Variants in MYH10 observed in about 807,000 individuals in gnomAD.
The protein encoded by MYH10 is myosin-10.
In MYH10, 55 loss-of-function variants were observed where a neutral mutation model predicts 257.8. The observed-to-expected ratio is 0.21, with a 90% CI of 0.17 to 0.27. MYH10 has a LOEUF of 0.27. Among genes scored for constraint, MYH10 ranks in the 10% least tolerant of loss-of-function variants. MYH10 has a pLI of 1.00. For synonymous variants in MYH10, 854 were observed against 921.7 expected, an observed-to-expected ratio of 0.93 and a Z score of 1.33; for missense variants, 1,631 against 2,500.6, an observed-to-expected ratio of 0.65 and a Z score of 7.42.
Position 8,545,659 on chromosome 17 carries a change from G to C in MYH10, c.1279-59C>G. On this transcript the variant is annotated intron_variant, in intron 12 of 42. Coordinates refer to ENST00000360416, the MANE Select transcript of MYH10 (RefSeq NM_001256012.3). This position sits in a 1 kb window ranked among gnomAD's most constrained non-coding sequence, Gnocchi z 4.7. Reference sequence around the variant, plus strand: ...AAACAATCTCAACAAAGCATAAATAGCTGTTTTACGGAATTTAATGTTATA... The same window carrying C: ...AAACAATCTCAACAAAGCATAAATACCTGTTTTACGGAATTTAATGTTATA... The C allele has an allele frequency of 6.4e-7, 1 of 1,553,660 alleles. No individual in the cohort carries two copies.
intron 2 of MYH10, among the ~76,000 whole-genome samples, chr17:8,610,852 A>G (rs149758363): frequency 1.3e-5 from 2 of 152,372 alleles, no homozygotes; most frequent in East Asian, 3.9e-4. Flanking sequence ...TTATAGCAAC[A>G]CAAAACAGAC....
At chr17:8,581,542 T>C (rs116128146) in intron 4 of MYH10, among the ~76,000 whole-genome samples, 192 of 152,348 alleles carry the variant, frequency 1.3e-3, no homozygotes, top group African/African-American at 4.4e-3. Context: ...TGAGCTGTGC[T>C]ACATTTTACA....
intron 24 of MYH10, among the ~76,000 whole-genome samples, chr17:8,510,749 A>G (rs2081241523): frequency 6.6e-6 from 1 of 152,178 alleles, no homozygotes; most frequent in South Asian, 2.1e-4. Context: ...AGAGAAAGAG[A>G]ACATGAAAAC....
intron 14 of MYH10, among the ~76,000 whole-genome samples, chr17:8,539,162 G>A (rs1284866999): frequency 1.3e-5 from 2 of 152,166 alleles, no homozygotes; most frequent in Non-Finnish European, 2.9e-5. Flanking sequence ...GGACTTCCCA[G>A]CCTATAGACT....
At chr17:8,575,276 T>A (rs2083464490) in intron 6 of MYH10, among the ~76,000 whole-genome samples, 1 of 152,184 alleles carries the variant, frequency 6.6e-6, no homozygotes, top group Non-Finnish European at 1.5e-5. Flanking sequence ...AACAATGATT[T>A]ATGTGTTCCA....
At chr17:8,494,852 T>C (rs1916336704) in intron 31 of MYH10, among the ~76,000 whole-genome samples, 2 of 152,218 alleles carry the variant, frequency 1.3e-5, no homozygotes, top group Non-Finnish European at 2.9e-5. Context: ...AGCAGGACCA[T>C]AGCTTGGGTC....
intron 3 of MYH10, among the ~76,000 whole-genome samples, chr17:8,601,662 T>C (rs774613421): frequency 3.0e-4 from 45 of 152,314 alleles, no homozygotes; most frequent in Middle Eastern, 3.4e-3. Context: ...TAATCTACCA[T>C]TCCATGCTTT....
At position 8,552,060 on chromosome 17, in the gene MYH10, C is replaced by A; in HGVS notation, c.905G>T (p.Gly302Val). The change falls in exon 9 of 43, where the codon GGA becomes GTA. Residue 302 changes from glycine (G) to valine (V), a missense_variant. Around this residue, in one of 11 missense-constraint regions of MYH10, gnomAD observed 360 missense variants for 581.9 expected, o/e 0.62. Coordinates refer to ENST00000360416, the MANE Select transcript of MYH10 (RefSeq NM_001256012.3). This position sits in a 1 kb window ranked among gnomAD's most constrained non-coding sequence, Gnocchi z 4.8. ...TTGTAACTTACACTTTAGGTGTTCT[C>A]CTGCTCCAGATAACAACTGGTAAAA... ...HIFYQLLSGA[G>V]EHLKSDLLLE... 1 of 1,541,938 alleles carries A rather than the reference C, an allele frequency of 6.5e-7. No individual in the cohort carries two copies. The highest frequency in any genetic ancestry group is 8.8e-7 in the Non-Finnish European group (1 of 1,135,992).
At chr17:8,517,495 C>T (rs994038062) in intron 21 of MYH10, among the ~76,000 whole-genome samples, 1 of 152,222 alleles carries the variant, frequency 6.6e-6, no homozygotes, top group Admixed American at 6.5e-5. Context: ...CACTCCCAAA[C>T]CCGAAGTGTT....
At chr17:8,547,174 C>T (rs1364932873) in intron 11 of MYH10, among the ~76,000 whole-genome samples, 6 of 152,146 alleles carry the variant, frequency 3.9e-5, no homozygotes, top group Admixed American at 6.5e-5. Flanking sequence ...TTCAGCCTCC[C>T]GAGTAGCTGG....
rs1199649392 is a variant in MYH10, at chr17:8,508,574, A to G, written c.3194T>C (p.Val1065Ala). The G allele has an allele frequency of 1.9e-6, 3 of 1,613,984 alleles. No homozygotes were observed. In the East Asian group the frequency reaches 6.7e-5, roughly 36 times the overall value. Residue 1065 changes from valine to alanine, a missense_variant, in exon 26 of 43, where the codon GTG becomes GCG. Physicochemically the swap from Val to Ala is moderately conservative, Grantham distance 64. Coordinates refer to ENST00000360416, the MANE Select transcript of MYH10 (RefSeq NM_001256012.3). ...CTAACCTTCTAAATCTGAGATCATC[A>G]CTTCTTGCTTATTCCTGATTTTGGC... ...NLAKIRNKQEVMISDLEERLK... is the reference protein window; with the variant it reads ...NLAKIRNKQEAMISDLEERLK...
chr17:8,545,638 A>T lies in MYH10; in HGVS notation c.1279-38T>A, dbSNP rs2082420654. The T allele has an allele frequency of 5.0e-6, 8 of 1,593,606 alleles. No individual in the cohort carries two copies. Among genetic ancestry groups the T allele is most frequent in the Non-Finnish European group, 6.0e-6 (7 of 1,171,606 alleles). On this transcript the variant is annotated intron_variant, in intron 12 of 42. Coordinates refer to ENST00000360416, the MANE Select transcript of MYH10 (RefSeq NM_001256012.3). This position sits in a 1 kb window ranked among gnomAD's most constrained non-coding sequence, Gnocchi z 4.7. ...CACAACAACCTTTTATTCTGGAAAC[A>T]ATCTCAACAAAGCATAAATAGCTGT...
At chr17:8,530,559 C>A (rs2081980167) in intron 17 of MYH10, 64 bp downstream of exon 17, 2 of 1,133,204 alleles carry the variant, frequency 1.8e-6, no homozygotes, top group Non-Finnish European at 2.5e-6. Flanking sequence ...AGTCCCCCCA[C>A]ACGTTTTTCC....
At chr17:8,605,363 T>C (rs1433257538) in intron 2 of MYH10, among the ~76,000 whole-genome samples, 3 of 152,242 alleles carry the variant, frequency 2.0e-5, no homozygotes, top group Non-Finnish European at 4.4e-5. Flanking sequence ...AGATTCCATA[T>C]TGCAATTAAT....
Position 8,478,388 on chromosome 17 carries a change from A to G in MYH10, c.5656T>C (p.Phe1886Leu). The G allele has an allele frequency of 6.2e-7, 1 of 1,614,232 alleles. No individual in the cohort carries two copies. Among genetic ancestry groups the G allele is most frequent in the Non-Finnish European group, 8.5e-7 (1 of 1,180,044 alleles). Reference sequence around the variant, plus strand: ...CGACGCTCATCCTCAACCTGCATGAAGATTTCTTTCAGCTTCTTCTCAGTG... The same window carrying G: ...CGACGCTCATCCTCAACCTGCATGAGGATTTCTTTCAGCTTCTTCTCAGTG... ...RRTEKKLKEI[F>L]MQVEDERRHA... Residue 1886 changes from phenylalanine (F) to leucine (L), a missense_variant, in exon 41 of 43, where the codon TTC becomes CTC. Physicochemically the swap from Phe to Leu is conservative, Grantham distance 22. This residue lies in a region of MYH10 where 343 missense variants were observed against 389.5 expected (regional missense o/e 0.88). Transcript: ENST00000360416.
intron 6 of MYH10, among the ~76,000 whole-genome samples, chr17:8,576,414 T>C (rs2083499007): frequency 6.6e-6 from 1 of 152,130 alleles, no homozygotes; most frequent in Non-Finnish European, 1.5e-5. Flanking sequence ...AATGTCATGA[T>C]AAAAGGGCAA....
intron 1 of MYH10, among the ~76,000 whole-genome samples, chr17:8,624,303 G>T (rs1287353799): frequency 6.6e-6 from 1 of 152,138 alleles, no homozygotes; most frequent in Non-Finnish European, 1.5e-5. Context: ...CAAATGGCAG[G>T]ATTTTACATC....
chr17:8,617,963 G>T (rs966219772), intron 2 of MYH10, among the ~76,000 whole-genome samples: 1 of 151,916 alleles, frequency 6.6e-6, no homozygotes, highest in Non-Finnish European at 1.5e-5. Flanking sequence ...CATTTCTTAC[G>T]AAAAATAACT....
At chr17:8,592,955 AT>A (rs2084221875) in intron 3 of MYH10, among the ~76,000 whole-genome samples, 1 of 117,718 alleles carries the variant, frequency 8.5e-6, no homozygotes, top group African/African-American at 2.9e-5. Context: ...ATATATATAT[AT>A]ATATATATAT....
Sources: allele counts gnomAD v4.1 joint callset (sites outside exome capture counted in the v4.1 genomes callset), GRCh38; gene constraint gnomAD v4.1.1; regional missense constraint gnomAD v4.1.1; non-coding constraint Gnocchi (gnomAD v3.1); transcripts MANE v1.5; gene names NCBI Gene and HGNC (gene_info 2026-07-23, HGNC 2026-07-21).